The following ANKRD45 variants were observed in gnomAD, a reference collection of about 807,000 sequenced individuals.
The protein encoded by ANKRD45 is ankyrin repeat domain 45, also known as ankyrin repeat domain-containing protein 45.
ANKRD45 carries 21 observed loss-of-function variants against 28.1 expected under a neutral mutation model. The observed-to-expected ratio is 0.75, with a 90% CI of 0.53 to 1.08. ANKRD45 has a LOEUF of 1.08. Ranked by LOEUF, ANKRD45 falls within the 50% of genes least tolerant of loss-of-function variation. The pLI, the probability that ANKRD45 is intolerant of heterozygous loss-of-function variation, is 0.00. For missense variants in ANKRD45, 261 were observed against 308.7 expected (o/e 0.85, Z 1.16); for synonymous variants, 86 against 103.9 (o/e 0.83, Z 1.05).
In ANKRD45 at chr1:173,644,185, C is replaced by T. The variant is rs566148014; in HGVS notation, c.496+2661G>A. ...AGGGATTTCTGAATCCTTTAAGTCT[C>T]CCCAGGTAACTCCTACTGTAATCAC... On this transcript the variant is annotated intron_variant, in intron 3 of 5. Coordinates refer to ENST00000333279, the MANE Select transcript of ANKRD45 (RefSeq NM_198493.3). 2.6e-5 allele frequency among the ~76,000 whole-genome samples: 4 copies of T among 152,216 alleles called. No individual in the cohort carries two copies. The East Asian group carries it at 5.8e-4, about 22-fold the overall frequency.
the ANKRD45 span, among the ~76,000 whole-genome samples, chr1:173,702,557 G>A: frequency 6.6e-6 from 1 of 151,906 alleles, no homozygotes. Context: ...AGAATAAACA[G>A]CTTTAGGTGA....
the ANKRD45 span, among the ~76,000 whole-genome samples, chr1:173,709,246 T>C: frequency 3.9e-5 from 6 of 152,244 alleles, no homozygotes; most frequent in East Asian, 1.2e-3. Flanking sequence ...ATGTTGCTAA[T>C]GGCAGGATTC....
At chr1:173,708,793 G>A in the ANKRD45 span, among the ~76,000 whole-genome samples, 1 of 152,116 alleles carries the variant, frequency 6.6e-6, no homozygotes, top group South Asian at 2.1e-4. Flanking sequence ...AAATTGTAAA[G>A]GATTTAGATT....
intron 5 of ANKRD45, among the ~76,000 whole-genome samples, chr1:173,617,530 C>T (rs1667516211): frequency 6.6e-6 from 1 of 152,230 alleles, no homozygotes; most frequent in African/African-American, 2.4e-5. Context: ...CAGATTGCTT[C>T]TTTAAATGGG....
intron 2 of ANKRD45, among the ~76,000 whole-genome samples, chr1:173,655,537 T>C (rs1276307387): frequency 6.6e-6 from 1 of 152,228 alleles, no homozygotes; most frequent in Admixed American, 6.5e-5. Flanking sequence ...CGGCCCCTAC[T>C]GGGAGGTGTC....
chr1:173,660,466 C>T (rs561365811), intron 1 of ANKRD45, among the ~76,000 whole-genome samples: 1 of 152,282 alleles, frequency 6.6e-6, no homozygotes, highest in South Asian at 2.1e-4. Context: ...TGACAAGGCT[C>T]CCAATGTCCC....
chr1:173,688,227 G>A, the ANKRD45 span, among the ~76,000 whole-genome samples: 1 of 152,020 alleles, frequency 6.6e-6, no homozygotes, highest in Non-Finnish European at 1.5e-5. Flanking sequence ...TACCAATTAT[G>A]GGTTTTTAAT....
the ANKRD45 span, among the ~76,000 whole-genome samples, chr1:173,712,768 CATATA>C: frequency 5.9e-5 from 9 of 152,160 alleles, no homozygotes; most frequent in Non-Finnish European, 8.8e-5. Context: ...ATGGTATATT[CATATA>C]ATAGAATACT....
chr1:173,681,858 T>C, the ANKRD45 span, among the ~76,000 whole-genome samples: 1 of 151,986 alleles, frequency 6.6e-6, no homozygotes, highest in East Asian at 1.9e-4. Flanking sequence ...AAGACCATCC[T>C]GGCCAACATG....
the ANKRD45 span, among the ~76,000 whole-genome samples, chr1:173,705,882 TATAA>T: frequency 3.9e-5 from 6 of 152,142 alleles, no homozygotes; most frequent in African/African-American, 1.4e-4. Context: ...AATTTTAAAC[TATAA>T]ATACATATAC....
At chr1:173,705,017 A>C in the ANKRD45 span, among the ~76,000 whole-genome samples, 36 of 152,280 alleles carry the variant, frequency 2.4e-4, no homozygotes, top group South Asian at 7.2e-3. Flanking sequence ...CCCAGCATTG[A>C]CCAGTGATTG....
chr1:173,619,376 G>A (rs1571691092), intron 5 of ANKRD45, among the ~76,000 whole-genome samples: 1 of 152,258 alleles, frequency 6.6e-6, no homozygotes, highest in South Asian at 2.1e-4. Flanking sequence ...CCATCAGTAT[G>A]CTGTCTTCAA....
intron 5 of ANKRD45, among the ~76,000 whole-genome samples, chr1:173,623,577 A>G (rs897824838): frequency 2.0e-5 from 3 of 152,178 alleles, no homozygotes; most frequent in African/African-American, 7.2e-5. Context: ...TAGAGACAGA[A>G]ATACCATTTG....
intron 3 of ANKRD45, chr1:173,635,496 A>G: frequency 2.1e-6 from 3 of 1,457,896 alleles, no homozygotes; most frequent in Non-Finnish European, 9.1e-7. Flanking sequence ...AATTTTAGCT[A>G]CTTTTTTTTC....
intron 1 of ANKRD45, among the ~76,000 whole-genome samples, chr1:173,663,449 C>A (rs964071924): frequency 3.9e-5 from 6 of 152,162 alleles, no homozygotes; most frequent in Non-Finnish European, 8.8e-5. Flanking sequence ...TTGTCTTCCC[C>A]AAAATCTCAT....
At chr1:173,678,849 T>G in the ANKRD45 span, among the ~76,000 whole-genome samples, 2 of 152,150 alleles carry the variant, frequency 1.3e-5, no homozygotes, top group Non-Finnish European at 2.9e-5. Context: ...ATAAGCAACT[T>G]CAGCAAAGTC....
At chr1:173,701,623 A>C in the ANKRD45 span, among the ~76,000 whole-genome samples, 5 of 152,192 alleles carry the variant, frequency 3.3e-5, no homozygotes, top group Admixed American at 6.5e-5. Flanking sequence ...GAACAATAAG[A>C]ACACCTGGAC....
At chr1:173,699,432 T>G in the ANKRD45 span, among the ~76,000 whole-genome samples, 1 of 152,094 alleles carries the variant, frequency 6.6e-6, no homozygotes, top group Admixed American at 6.5e-5. Context: ...AATAAAATAC[T>G]GGCAAACTGA....
At chr1:173,657,311 T>C in intron 2 of ANKRD45, 1 of 326,342 alleles carries the variant, frequency 3.1e-6, no homozygotes, top group South Asian at 2.3e-5. Flanking sequence ...CACTAAAAAA[T>C]ACGAAAATTA....
Sources: gnomAD v4.1 joint callset for allele counts (sites outside exome capture counted in the v4.1 genomes callset) on GRCh38, gnomAD v4.1.1 for gene constraint, MANE v1.5 for transcripts, NCBI Gene and HGNC (gene_info 2026-07-23, HGNC 2026-07-21) for gene names.